GNAI1: variants seen among roughly 807,000 people sequenced by gnomAD.
GNAI1 encodes guanine nucleotide-binding protein G(i) subunit alpha-1.
A neutral mutation model predicts 38.9 loss-of-function variants in GNAI1; 11 were observed. That is an observed-to-expected ratio of 0.28 (90% confidence interval 0.18 to 0.47). GNAI1 has a LOEUF of 0.47. GNAI1 is among the 20% of genes least tolerant of loss of function. The pLI is 0.99. For synonymous variants in GNAI1, 166 were observed against 145.1 expected, an observed-to-expected ratio of 1.14 and a Z score of -1.04; for missense variants, 317 against 436.9, an observed-to-expected ratio of 0.73 and a Z score of 2.45.
Position 80,217,594 on chromosome 7 carries a change from G to C in GNAI1, c.*101G>C, listed in dbSNP as rs1388341972. On this transcript the variant is annotated 3_prime_UTR_variant, in exon 8 of 8. Coordinates refer to ENST00000649796, the MANE Select transcript of GNAI1 (RefSeq NM_002069.6). ...TGCAGCAACACAGAATGTAATATAAGGCAAATGCATCTGGGACTTGACCAA... is the reference window on the plus strand; with the variant it reads ...TGCAGCAACACAGAATGTAATATAACGCAAATGCATCTGGGACTTGACCAA... 1.6e-6 allele frequency: 1 copy of C among 606,562 alleles called. No individual in the cohort carries two copies. The highest frequency in any genetic ancestry group is 3.0e-5 in the East Asian group (1 of 32,990). The allele number at this position is 606,562 out of a possible 1,614,324, so 37.6% of individuals were successfully genotyped here. A position where few individuals can be genotyped will look rare whatever the true frequency, so the allele number is the denominator to read the frequency against.
chr7:80,188,992 A>C lies in GNAI1; in HGVS notation c.160A>C (p.Lys54Gln). ...SGKSTIVKQM[K>Q]IIHEAGYSEE... ...TAAAAGTACAATTGTGAAGCAGATG[A>C]AGTAAGTAGATTTAAACACCAAATT... Residue 54 changes from lysine (K) to glutamine (Q), a missense_variant and splice_region_variant, in exon 2 of 8, where the codon AAA becomes CAA. This residue lies in a region of GNAI1 where 40 missense variants were observed against 78.0 expected (regional missense o/e 0.51). Transcript: ENST00000649796. The C allele has an allele frequency of 6.2e-7, 1 of 1,607,420 alleles. No individual in the cohort carries two copies. The highest frequency in any genetic ancestry group is 1.3e-5 in the African/African-American group (1 of 74,878).
chr7:80,214,378 G>C lies in GNAI1; in HGVS notation c.874+1509G>C, dbSNP rs139570368. Among the ~76,000 whole-genome samples, 608 of 152,054 alleles carry C rather than the reference G, an allele frequency of 4.0e-3. 6 individuals carry two copies. The highest frequency in any genetic ancestry group is 0.014 in the African/African-American group (573 of 41,464). On this transcript the variant is annotated intron_variant, in intron 7 of 7. Coordinates refer to ENST00000649796, the MANE Select transcript of GNAI1 (RefSeq NM_002069.6). ...TCAGTTTATTTTTATCATATTCTAT[G>C]ATGTAGCCATTTTGTACTAATTCAT... is the stretch of plus-strand genomic sequence containing the variant.
rs185777552 is a variant in GNAI1, at chr7:80,213,487, G to A, written c.874+618G>A. ...AATTAGCTCTTTGATCTTGAACAAG[G>A]CAGTTAGTTCACCTAGGTCTCAGTA... On this transcript the variant is annotated intron_variant, in intron 7 of 7. Transcript: ENST00000649796. Among the ~76,000 whole-genome samples the A allele has an allele frequency of 1.2e-4, 19 of 152,224 alleles. No homozygotes were observed. The East Asian group carries it at 3.7e-3, about 29-fold the overall frequency.
intron 1 of GNAI1, among the ~76,000 whole-genome samples, chr7:80,140,447 T>C (rs1263780031): frequency 6.6e-6 from 1 of 152,254 alleles, no homozygotes; most frequent in African/African-American, 2.4e-5. Context: ...ATTTTTATTT[T>C]GTTACACATG....
At chr7:80,145,014 C>T (rs978205721) in intron 1 of GNAI1, among the ~76,000 whole-genome samples, 19 of 152,108 alleles carry the variant, frequency 1.2e-4, no homozygotes, top group Admixed American at 2.6e-4. Context: ...TGAGCACTTG[C>T]CTCCATCAAT....
chr7:80,180,303 A>G (rs1788268583), intron 1 of GNAI1, among the ~76,000 whole-genome samples: 1 of 143,582 alleles, frequency 7.0e-6, no homozygotes, highest in Non-Finnish European at 1.5e-5. Flanking sequence ...ATGAACTATA[A>G]AACAGAACAT....
chr7:80,135,309 C>T (rs988090719), intron 1 of GNAI1, 31 bp downstream of exon 1: 12 of 1,263,710 alleles, frequency 9.5e-6, no homozygotes, highest in Admixed American at 3.4e-5. Context: ...GCCCGGGGGT[C>T]GGCGGGGGAC....
chr7:80,202,730 C>T (rs1250260962), intron 4 of GNAI1, among the ~76,000 whole-genome samples: 3 of 152,146 alleles, frequency 2.0e-5, no homozygotes, highest in East Asian at 1.9e-4. Flanking sequence ...TTATAGGTCT[C>T]GTAATAAAAA....
Position 80,135,201 on chromosome 7 carries a change from A to G in GNAI1, c.41A>G (p.Glu14Gly). ...TLSAEDKAAV[E>G]RSKMIDRNLR... ...AGCGCCGAGGACAAGGCGGCGGTGG[A>G]GCGGAGTAAGATGATCGACCGCAAC... The change falls in exon 1 of 8, where the codon GAG becomes GGG. Residue 14 changes from glutamate to glycine, a missense_variant. By Grantham distance (98) the Glu-to-Gly change is moderately conservative. This residue lies in a region of GNAI1 where 37 missense variants were observed against 26.2 expected (regional missense o/e 1.41). Transcript: ENST00000649796. 1.3e-6 allele frequency: 2 copies of G among 1,554,508 alleles called. No individual in the cohort carries two copies. The highest frequency in any genetic ancestry group is 1.9e-5 in the Admixed American group (1 of 53,976).
chr7:80,155,476 G>A (rs1465937994), intron 1 of GNAI1, among the ~76,000 whole-genome samples: 2 of 152,086 alleles, frequency 1.3e-5, no homozygotes, highest in East Asian at 1.9e-4. Flanking sequence ...GGTAGTTAGA[G>A]GTTATGTTTT....
At chr7:80,183,040 C>T (rs1788321956) in intron 1 of GNAI1, among the ~76,000 whole-genome samples, 1 of 152,150 alleles carries the variant, frequency 6.6e-6, no homozygotes, top group Admixed American at 6.6e-5. Flanking sequence ...TGCTATCTCC[C>T]TTGATATTTA....
intron 3 of GNAI1, among the ~76,000 whole-genome samples, chr7:80,190,176 C>T (rs1788457603): frequency 6.6e-6 from 1 of 151,920 alleles, no homozygotes; most frequent in Non-Finnish European, 1.5e-5. Flanking sequence ...AGGCTCAATT[C>T]ATGCTTACTA....
In GNAI1 at chr7:80,205,645, A is replaced by G. The variant is rs370437672; in HGVS notation, c.590+1813A>G. Among the ~76,000 whole-genome samples the G allele has an allele frequency of 5.3e-5, 8 of 152,188 alleles. No individual in the cohort carries two copies. The South Asian group carries it at 1.0e-3, about 20-fold the overall frequency. ...TTTTTGGTTTCTTTGTAGAAATTCAAACTTTACAAGACCGTGTATATATCT... is the reference window on the plus strand; with the variant it reads ...TTTTTGGTTTCTTTGTAGAAATTCAGACTTTACAAGACCGTGTATATATCT... On this transcript the variant is annotated intron_variant, in intron 5 of 7. Transcript: ENST00000649796.
At chr7:80,152,089 A>G (rs1004785693) in intron 1 of GNAI1, among the ~76,000 whole-genome samples, 3 of 152,120 alleles carry the variant, frequency 2.0e-5, no homozygotes, top group Admixed American at 6.5e-5. Context: ...CTAAGGTGGC[A>G]GGTAGTATTA....
At chr7:80,141,282 A>AT (rs2116071676) in intron 1 of GNAI1, among the ~76,000 whole-genome samples, 1 of 152,260 alleles carries the variant, frequency 6.6e-6, no homozygotes, top group South Asian at 2.1e-4. Flanking sequence ...TCTCAACCCA[A>AT]TACAGCCACA....
chr7:80,169,831 T>A (rs1428022470), intron 1 of GNAI1, among the ~76,000 whole-genome samples: 1 of 152,170 alleles, frequency 6.6e-6, no homozygotes, highest in Non-Finnish European at 1.5e-5. Context: ...TCACTTCTCA[T>A]TTCCCACAAA....
intron 1 of GNAI1, among the ~76,000 whole-genome samples, chr7:80,159,070 A>G (rs1584016210): frequency 6.6e-6 from 1 of 152,130 alleles, no homozygotes; most frequent in East Asian, 1.9e-4. Context: ...GGCCTTGAAG[A>G]GTTGCTTGTG....
In GNAI1 at chr7:80,135,118, T is replaced by G; in HGVS notation, c.-43T>G. ...ATTCCCCTGTGCTTGGAGCCCGCACTCGGGCGCGGAGGGAGCGGCGGCAGG... is the reference window on the plus strand; with the variant it reads ...ATTCCCCTGTGCTTGGAGCCCGCACGCGGGCGCGGAGGGAGCGGCGGCAGG... On this transcript the variant is annotated 5_prime_UTR_variant, in exon 1 of 8. Coordinates refer to ENST00000649796, the MANE Select transcript of GNAI1 (RefSeq NM_002069.6). 2 of 1,345,328 alleles carry G rather than the reference T, an allele frequency of 1.5e-6. No individual in the cohort carries two copies. The highest frequency in any genetic ancestry group is 3.2e-5 in the South Asian group (2 of 62,262). 83.3% of individuals were successfully genotyped at this position (1,345,328 alleles called of 1,614,324 possible).
chr7:80,154,008 G>A (rs965611484), intron 1 of GNAI1, among the ~76,000 whole-genome samples: 1 of 151,942 alleles, frequency 6.6e-6, no homozygotes, highest in Non-Finnish European at 1.5e-5. Context: ...CTGCAGCCTC[G>A]ACTTCTCAGG....
Sources: allele counts gnomAD v4.1 joint callset (sites outside exome capture counted in the v4.1 genomes callset), GRCh38; gene constraint gnomAD v4.1.1; regional missense constraint gnomAD v4.1.1; transcripts MANE v1.5; gene names NCBI Gene and HGNC (gene_info 2026-07-23, HGNC 2026-07-21).